Variants in NAALADL2 observed in about 807,000 individuals in gnomAD.
The protein encoded by NAALADL2 is N-acetylated alpha-linked acidic dipeptidase like 2, also known as inactive N-acetylated-alpha-linked acidic dipeptidase-like protein 2.
NAALADL2 carries 76 observed loss-of-function variants against 87.2 expected under a neutral mutation model. That is an observed-to-expected ratio of 0.87 (90% confidence interval 0.72 to 1.05). NAALADL2 has a LOEUF of 1.05. Among genes scored for constraint, NAALADL2 ranks in the 50% least tolerant of loss-of-function variants. The pLI, the probability that NAALADL2 is intolerant of heterozygous loss-of-function variation, is 0.00. For missense variants in NAALADL2, 1,089 were observed against 945.8 expected (o/e 1.15, Z -1.99); for synonymous variants, 354 against 331.0 (o/e 1.07, Z -0.75).
At chr3:174,874,591 T>A (rs994977271) in intron 1 of NAALADL2, among the ~76,000 whole-genome samples, 3 of 152,136 alleles carry the variant, frequency 2.0e-5, no homozygotes, top group Non-Finnish European at 2.9e-5. Context: ...GTGAGGGCAA[T>A]CTATACGTGT....
intron 5 of NAALADL2, among the ~76,000 whole-genome samples, chr3:175,368,610 G>A (rs1230752114): frequency 2.0e-5 from 3 of 151,242 alleles, no homozygotes; most frequent in African/African-American, 7.3e-5. Context: ...TAGCCAGTAT[G>A]TATATATGTA....
intron 1 of NAALADL2, among the ~76,000 whole-genome samples, chr3:174,451,990 G>A (rs992567926): frequency 1.3e-5 from 2 of 149,658 alleles, no homozygotes; most frequent in Non-Finnish European, 3.0e-5. Flanking sequence ...TTACAAGTGT[G>A]TGCCACCATG....
At chr3:175,191,530 T>C (rs991988845) in intron 2 of NAALADL2, among the ~76,000 whole-genome samples, 6 of 152,132 alleles carry the variant, frequency 3.9e-5, no homozygotes, top group Non-Finnish European at 5.9e-5. Context: ...TGTCTCCATG[T>C]GGTATCCACA....
At chr3:175,420,320 C>T (rs954910930) in intron 5 of NAALADL2, among the ~76,000 whole-genome samples, 1 of 151,954 alleles carries the variant, frequency 6.6e-6, no homozygotes, top group Admixed American at 6.6e-5. Flanking sequence ...TGGATGGTAT[C>T]GTTTGCATAT....
At chr3:175,229,736 T>C (rs749878962) in intron 2 of NAALADL2, among the ~76,000 whole-genome samples, 4 of 151,984 alleles carry the variant, frequency 2.6e-5, no homozygotes, top group Non-Finnish European at 4.4e-5. Flanking sequence ...ACAGCAATAA[T>C]ATTAAGGATT....
intron 2 of NAALADL2, among the ~76,000 whole-genome samples, chr3:174,559,925 G>C (rs1713380696): frequency 6.6e-6 from 1 of 152,180 alleles, no homozygotes; most frequent in African/African-American, 2.4e-5. Context: ...AATCAGCTCC[G>C]ACTCTACCAC....
chr3:175,720,380 G>A (rs1381806197), intron 11 of NAALADL2, among the ~76,000 whole-genome samples: 3 of 152,052 alleles, frequency 2.0e-5, no homozygotes, highest in African/African-American at 7.2e-5. Context: ...ATTGAAAAAG[G>A]AATGTATATA....
intron 13 of NAALADL2, among the ~76,000 whole-genome samples, chr3:175,790,313 C>G (rs1560018522): frequency 6.6e-6 from 1 of 152,098 alleles, no homozygotes; most frequent in Non-Finnish European, 1.5e-5. Flanking sequence ...CTTCAAGTCA[C>G]TACCACCAGT....
chr3:174,567,606 G>C (rs1714440385), intron 2 of NAALADL2, among the ~76,000 whole-genome samples: 1 of 151,440 alleles, frequency 6.6e-6, no homozygotes, highest in Non-Finnish European at 1.5e-5. Context: ...AGTATCAGAA[G>C]GCAATCTGTT....
chr3:175,564,035 C>T (rs979424210), intron 9 of NAALADL2, among the ~76,000 whole-genome samples: 4 of 152,118 alleles, frequency 2.6e-5, no homozygotes, highest in Admixed American at 2.0e-4. Context: ...TTCCTCTGCC[C>T]GATTTCTCAC....
intron 11 of NAALADL2, among the ~76,000 whole-genome samples, chr3:175,680,851 A>T (rs1292008360): frequency 1.3e-5 from 2 of 152,206 alleles, no homozygotes; most frequent in Non-Finnish European, 2.9e-5. Context: ...ACAGTAGCTC[A>T]CGCCTGTAAT....
rs1246410470 is a variant in NAALADL2 at position 175,619,205 on chromosome 3, C to CA, written c.1801-8077dup. On this transcript the variant is annotated intron_variant, in intron 10 of 13. Transcript: ENST00000454872. The stretch of plus-strand genomic sequence containing the variant: ...GCTGTTGAACCAGATTCTCCTCAGA[C>CA]AAAAAAAAAGAGAGAAAGAGAGAAA... Among the ~76,000 whole-genome samples, 426 of 104,822 alleles carry CA rather than the reference C, an allele frequency of 4.1e-3. 2 individuals carry two copies. The highest frequency in any genetic ancestry group is 0.015 in the African/African-American group (407 of 27,958). The allele number at this position is 104,822 out of a possible 152,430, so 68.8% of individuals were successfully genotyped here.
chr3:175,099,061 A>C (rs185395855), intron 2 of NAALADL2, among the ~76,000 whole-genome samples: 1 of 152,252 alleles, frequency 6.6e-6, no homozygotes, highest in African/African-American at 2.4e-5. Flanking sequence ...TTACAAACTA[A>C]GCTACATATT....
intron 11 of NAALADL2, among the ~76,000 whole-genome samples, chr3:175,634,199 T>G (rs576183361): frequency 6.6e-6 from 1 of 152,104 alleles, no homozygotes; most frequent in South Asian, 2.1e-4. Context: ...TCTGTAATTA[T>G]TAATTCCATT....
chr3:175,084,262 T>C (rs1196154910), intron 1 of NAALADL2, among the ~76,000 whole-genome samples: 1 of 152,170 alleles, frequency 6.6e-6, no homozygotes, highest in Non-Finnish European at 1.5e-5. Context: ...TGATCAGGAA[T>C]ACAGGCAGGT....
At chr3:174,751,787 C>T (rs1434263822) in intron 3 of NAALADL2, among the ~76,000 whole-genome samples, 1 of 151,528 alleles carries the variant, frequency 6.6e-6, no homozygotes, top group Non-Finnish European at 1.5e-5. Context: ...ATTGTGTTTG[C>T]TAATAATATT....
chr3:175,582,867 C>T (rs945552518), intron 10 of NAALADL2, among the ~76,000 whole-genome samples: 1 of 152,144 alleles, frequency 6.6e-6, no homozygotes, highest in South Asian at 2.1e-4. Context: ...ACGTAATGGC[C>T]AATGATCAAA....
chr3:175,465,471 A>ATTTTTTTTTTTTTTTTTTTTT (rs1560595976), intron 7 of NAALADL2, among the ~76,000 whole-genome samples: 3 of 129,030 alleles, frequency 2.3e-5, no homozygotes, highest in African/African-American at 6.7e-5. Flanking sequence ...CATGAATTAA[A>ATTTTTTTTTTTTTTTTTTTTT]TCTTTTTTTT....
At chr3:175,581,916 A>G (rs1719841649) in intron 10 of NAALADL2, among the ~76,000 whole-genome samples, 2 of 152,132 alleles carry the variant, frequency 1.3e-5, no homozygotes, top group Non-Finnish European at 2.9e-5. Context: ...TCTATATAAA[A>G]CTGTGTATCT....
Sources: gnomAD v4.1 joint callset for allele counts (sites outside exome capture counted in the v4.1 genomes callset) on GRCh38, gnomAD v4.1.1 for gene constraint, MANE v1.5 for transcripts, NCBI Gene and HGNC (gene_info 2026-07-23, HGNC 2026-07-21) for gene names.